The following UBAP2 variants were observed in gnomAD, a reference collection of about 807,000 sequenced individuals.
UBAP2 encodes ubiquitin-associated protein 2.
A neutral mutation model predicts 139.6 loss-of-function variants in UBAP2; 75 were observed. The ratio of observed to expected loss-of-function variants is 0.54; its 90% CI spans 0.45 to 0.65. The LOEUF is 0.65. Among genes scored for constraint, UBAP2 ranks in the 30% least tolerant of loss-of-function variants. UBAP2 has a pLI of 0.00. For missense variants in UBAP2, 1,368 were observed against 1,369.6 expected, an observed-to-expected ratio of 1.00 and a Z score of 0.02; for synonymous variants, 526 against 526.2, an observed-to-expected ratio of 1.00 and a Z score of 0.01.
intron 1 of UBAP2, among the ~76,000 whole-genome samples, chr9:34,026,690 T>G (rs569801751): frequency 6.6e-6 from 1 of 152,316 alleles, no homozygotes; most frequent in African/African-American, 2.4e-5. Context: ...ATGTACAGTA[T>G]TAAGTCACTA....
intron 22 of UBAP2, 145 bp from the exon 23 acceptor site, chr9:33,924,429 A>AT: frequency 2.6e-6 from 2 of 780,192 alleles, no homozygotes; most frequent in Non-Finnish European, 4.3e-6. Context: ...CGCCAAGTAA[A>AT]TGGTGCCCCT....
intron 6 of UBAP2, among the ~76,000 whole-genome samples, chr9:33,975,518 G>A (rs958972948): frequency 1.3e-5 from 2 of 151,676 alleles, no homozygotes; most frequent in Admixed American, 6.6e-5. Flanking sequence ...GTAAAATGGG[G>A]CCAGGTGCAG....
intron 4 of UBAP2, among the ~76,000 whole-genome samples, chr9:33,992,521 T>C (rs193003513): frequency 6.1e-4 from 92 of 151,714 alleles, no homozygotes; most frequent in African/African-American, 2.1e-3. Context: ...GATCATGCCA[T>C]TGCACTCCAG....
intron 19 of UBAP2, 134 bp from the exon 20 acceptor site, chr9:33,928,126 T>A: frequency 1.1e-6 from 1 of 905,902 alleles, no homozygotes; most frequent in Non-Finnish European, 1.6e-6. Flanking sequence ...CAGGCTCCCT[T>A]AAGGTGAGAG....
intron 2 of UBAP2, among the ~76,000 whole-genome samples, chr9:33,999,084 G>A (rs1375455484): frequency 6.6e-6 from 1 of 152,062 alleles, no homozygotes; most frequent in East Asian, 1.9e-4. Flanking sequence ...TTGACCAAAC[G>A]ACCTAAAGCT....
intron 13 of UBAP2, among the ~76,000 whole-genome samples, chr9:33,946,270 A>T (rs1587541374): frequency 6.6e-6 from 1 of 152,196 alleles, no homozygotes; most frequent in East Asian, 1.9e-4. Flanking sequence ...TATGATACAA[A>T]TTTTGAGTAT....
chr9:34,021,755 T>A (rs1012927295), intron 1 of UBAP2, among the ~76,000 whole-genome samples: 2 of 151,378 alleles, frequency 1.3e-5, no homozygotes, highest in East Asian at 3.9e-4. Flanking sequence ...TGTCTCAGCC[T>A]CCCAAGCAGC....
chr9:33,982,344 G>C (rs1464749687), intron 6 of UBAP2, among the ~76,000 whole-genome samples: 1 of 152,200 alleles, frequency 6.6e-6, no homozygotes, highest in African/African-American at 2.4e-5. Context: ...GCTCCAGCTT[G>C]AATGCAAACT....
intron 1 of UBAP2, among the ~76,000 whole-genome samples, chr9:34,021,152 C>G (rs1487465857): frequency 6.6e-6 from 1 of 152,046 alleles, no homozygotes; most frequent in Non-Finnish European, 1.5e-5. Context: ...ATTCAGGTAC[C>G]AAAGAAAATT....
chr9:33,922,553 G>A lies in UBAP2; in HGVS notation c.3311C>T (p.Ser1104Phe). Residue 1104 changes from serine (S) to phenylalanine (F), a missense_variant, in exon 29 of 29, where the codon TCT (serine) becomes TTT (phenylalanine). Physicochemically the swap from Ser to Phe is radical, Grantham distance 155. Transcript: ENST00000379238. ...GCCGTAGGCAGGTTTGGAGGCTTGA[G>A]ACTTGGGCTGCAGGGAGCTGGGCTG... ...RSQPSSLQPK[S>F]QASKPAYGNS... 6.2e-7 allele frequency: 1 copy of A among 1,613,882 alleles called. No homozygotes were observed. The highest frequency in any genetic ancestry group is 8.5e-7 in the Non-Finnish European group (1 of 1,179,974).
At chr9:33,942,076 G>A (rs1372683591) in intron 15 of UBAP2, among the ~76,000 whole-genome samples, 5 of 152,134 alleles carry the variant, frequency 3.3e-5, no homozygotes, top group African/African-American at 1.2e-4. Context: ...CACTTTGAGA[G>A]GCAGAGGTGG....
At position 33,986,761 on chromosome 9, in the gene UBAP2, T is replaced by G. The variant is rs1158328250; in HGVS notation, c.519A>C (p.Arg173Ser). The G allele has an allele frequency of 6.2e-7, 1 of 1,613,968 alleles. No individual in the cohort carries two copies. Among genetic ancestry groups the G allele is most frequent in the Admixed American group, 1.7e-5 (1 of 60,020 alleles). ...PSDRGKRARG[R>S]GFGRGRGRGA... ...TTCTTCCCTCTTACTCTAGCTTACC[T>G]CTACCCCGGGCTCGCTTGCCACGAT... The change falls in exon 6 of 29, where the codon AGA (arginine) becomes AGC (serine). Residue 173 changes from arginine to serine, a missense_variant and splice_region_variant. Transcript: ENST00000379238.
chr9:34,022,507 G>C (rs866465982), intron 1 of UBAP2, among the ~76,000 whole-genome samples: 1 of 146,740 alleles, frequency 6.8e-6, no homozygotes, highest in Non-Finnish European at 1.5e-5. Context: ...GCACGATCTC[G>C]GCCCAGCAAC....
chr9:34,048,637 G>T (rs1334818506), intron 1 of UBAP2, among the ~76,000 whole-genome samples, 188 bp downstream of exon 1: 1 of 151,944 alleles, frequency 6.6e-6, no homozygotes, highest in Admixed American at 6.6e-5. Context: ...AGGAAGGAGG[G>T]AGCCCGGGCC....
chr9:34,008,116 AGAGT>A (rs931744913), intron 2 of UBAP2, among the ~76,000 whole-genome samples: 4 of 151,970 alleles, frequency 2.6e-5, no homozygotes, highest in African/African-American at 9.7e-5. Flanking sequence ...GCATGGCGAC[AGAGT>A]GAGACTCGTC....
intron 8 of UBAP2, among the ~76,000 whole-genome samples, chr9:33,967,415 A>G (rs1827553195): frequency 6.6e-6 from 1 of 152,226 alleles, no homozygotes; most frequent in Non-Finnish European, 1.5e-5. Flanking sequence ...ACCATTCAAT[A>G]TATCACCATT....
At chr9:33,991,642 ATT>A (rs1429002385) in intron 4 of UBAP2, among the ~76,000 whole-genome samples, 1 of 152,182 alleles carries the variant, frequency 6.6e-6, no homozygotes, top group Non-Finnish European at 1.5e-5. Context: ...ATTTTTCTGC[ATT>A]TCTTTTCTAA....
Position 33,953,362 on chromosome 9 carries a change from T to C in UBAP2, c.979A>G (p.Asn327Asp), listed in dbSNP as rs776954339. The C allele has an allele frequency of 1.2e-5, 20 of 1,614,044 alleles. No homozygotes were observed. The highest frequency in any genetic ancestry group is 1.6e-4 in the Middle Eastern group (1 of 6,084). The change falls in exon 12 of 29, where the codon AAT (asparagine) becomes GAT (aspartate). Residue 327 changes from asparagine (N) to aspartate (D), a missense_variant. Transcript: ENST00000379238. ...GCCATCTGATTGTTGTGTTGCGAAT[T>C]TGTGAAGACAAGGGCTTGGCCAAAG... ...QGFGQALVFT[N>D]SQHNNQMAPG...
chr9:34,002,531 C>T (rs572060083), intron 2 of UBAP2, among the ~76,000 whole-genome samples: 1 of 152,098 alleles, frequency 6.6e-6, no homozygotes, highest in African/African-American at 2.4e-5. Flanking sequence ...GTGCATGCCA[C>T]CACGCCTGGC....
Sources: gnomAD v4.1 joint callset for allele counts (sites outside exome capture counted in the v4.1 genomes callset) on GRCh38, gnomAD v4.1.1 for gene constraint, MANE v1.5 for transcripts, NCBI Gene and HGNC (gene_info 2026-07-23, HGNC 2026-07-21) for gene names.